PRDM16: variants seen among roughly 807,000 people sequenced by gnomAD.
PRDM16 encodes the protein PR/SET domain 16.
PRDM16 carries 23 observed loss-of-function variants against 110.6 expected under a neutral mutation model. The ratio of observed to expected loss-of-function variants is 0.21; its 90% confidence interval spans 0.15 to 0.29. The LOEUF (loss-of-function observed/expected upper bound fraction) is 0.29. PRDM16 is among the 10% of genes least tolerant of loss of function. PRDM16 has a pLI of 1.00. For synonymous variants in PRDM16, 799 were observed against 781.8 expected (o/e 1.02, Z -0.37); for missense variants, 1,615 against 1,794.3 (o/e 0.90, Z 1.81).
At chr1:3,262,577 C>T (rs1640185921) in intron 3 of PRDM16, among the ~76,000 whole-genome samples, 1 of 152,224 alleles carries the variant, frequency 6.6e-6, no homozygotes, top group South Asian at 2.1e-4. Flanking sequence ...CCACTCCTCT[C>T]CTCAAAACCA....
intron 3 of PRDM16, among the ~76,000 whole-genome samples, chr1:3,380,310 C>A (rs1253911488): frequency 3.3e-5 from 5 of 151,986 alleles, no homozygotes; most frequent in Non-Finnish European, 5.9e-5. Context: ...TCCTCAGTCA[C>A]CCCAGGGGGC....
Position 3,411,453 on chromosome 1 carries a change from G to A in PRDM16, c.1256G>A (p.Cys419Tyr), listed in dbSNP as rs746196584. The change falls in exon 9 of 17, where the codon TGC becomes TAC. Residue 419 changes from cysteine (C) to tyrosine (Y), a missense_variant. Physicochemically the swap from Cys to Tyr is radical, Grantham distance 194. Coordinates refer to ENST00000270722, the MANE Select transcript of PRDM16 (RefSeq NM_022114.4). The part of the protein sequence containing the change: ...LCRHKRMHAD[C>Y]RTQIKCKDCG... ...CGGCACAAGCGGATGCACGCCGACT[G>A]CCGCACGCAGATCAAGTGCAAGGAC... 1 of 1,614,194 alleles carries A rather than the reference G, an allele frequency of 6.2e-7. No homozygotes were observed. The highest frequency in any genetic ancestry group is 8.5e-7 in the Non-Finnish European group (1 of 1,180,034).
chr1:3,385,902 C>T (rs1385961171), intron 4 of PRDM16, among the ~76,000 whole-genome samples: 1 of 152,222 alleles, frequency 6.6e-6, no homozygotes, highest in Non-Finnish European at 1.5e-5. Context: ...TCCCTGGATC[C>T]TTGACCTCCA....
At chr1:3,421,370 G>A (rs1005448423) in intron 12 of PRDM16, among the ~76,000 whole-genome samples, 6 of 152,148 alleles carry the variant, frequency 3.9e-5, no homozygotes, top group African/African-American at 7.2e-5. Flanking sequence ...AAGGCCCTCC[G>A]CATTGCACCA....
At chr1:3,368,281 G>A (rs569489993) in intron 3 of PRDM16, among the ~76,000 whole-genome samples, 17 of 152,340 alleles carry the variant, frequency 1.1e-4, no homozygotes, top group Admixed American at 9.8e-4. Flanking sequence ...GCCGCAACAC[G>A]GGCCAGGCTC....
intron 1 of PRDM16, among the ~76,000 whole-genome samples, chr1:3,111,621 G>A (rs1642796656): frequency 6.6e-6 from 1 of 152,114 alleles, no homozygotes; most frequent in Non-Finnish European, 1.5e-5. Flanking sequence ...CCCAGCGCAC[G>A]GAAAGGAGGC....
chr1:3,281,466 G>A (rs1158075837), intron 3 of PRDM16, among the ~76,000 whole-genome samples: 3 of 152,240 alleles, frequency 2.0e-5, no homozygotes, highest in African/African-American at 7.2e-5. Context: ...AAGCAGCCTT[G>A]AAACTTATCA....
rs377194829 is a variant in PRDM16 at position 3,146,093 on chromosome 1, C to G, written c.38-40032C>G. On this transcript the variant is annotated intron_variant, in intron 1 of 16. Coordinates refer to ENST00000270722, the MANE Select transcript of PRDM16 (RefSeq NM_022114.4). Reference sequence around the variant, plus strand: ...CCGAGCAGGAAAACATTTAGACACACCCCCACACACAGCACACGTGGGCAT... The same window carrying G: ...CCGAGCAGGAAAACATTTAGACACAGCCCCACACACAGCACACGTGGGCAT... Among the ~76,000 whole-genome samples, 10 of 152,316 alleles carry G rather than the reference C, an allele frequency of 6.6e-5. 2 individuals are homozygous for G. Among genetic ancestry groups the G allele is most frequent in the East Asian group, 5.8e-4 (3 of 5,166 alleles).
chr1:3,413,696 C>G (rs72633335), intron 9 of PRDM16, among the ~76,000 whole-genome samples: 1 of 152,050 alleles, frequency 6.6e-6, no homozygotes, highest in Non-Finnish European at 1.5e-5. Context: ...TTTACCAAAG[C>G]GCTCTCAGTG....
intron 1 of PRDM16, among the ~76,000 whole-genome samples, chr1:3,087,525 T>G (rs1642178573): frequency 6.6e-6 from 1 of 152,170 alleles, no homozygotes. Flanking sequence ...AAGAGGAAAT[T>G]CACATTTTTC....
rs546744623 is a variant in PRDM16, at chr1:3,297,773, A to C, written c.438+53636A>C. ...CAGGGGACAGGGAGGGAGTCAGGGAAGGGCTGCCCGATGGCAGGAAGGGAC... is the reference window on the plus strand; with the variant it reads ...CAGGGGACAGGGAGGGAGTCAGGGACGGGCTGCCCGATGGCAGGAAGGGAC... On this transcript the variant is annotated intron_variant, in intron 3 of 16. Coordinates refer to ENST00000270722, the MANE Select transcript of PRDM16 (RefSeq NM_022114.4). Among the ~76,000 whole-genome samples, 4 of 152,284 alleles carry C rather than the reference A, an allele frequency of 2.6e-5. No homozygotes were observed. In the South Asian group the frequency reaches 8.3e-4, roughly 32 times the overall value.
intron 3 of PRDM16, among the ~76,000 whole-genome samples, chr1:3,256,403 TTAA>T (rs922012509): frequency 3.9e-5 from 6 of 152,140 alleles, no homozygotes; most frequent in Non-Finnish European, 7.4e-5. Flanking sequence ...GTGGACTTCG[TTAA>T]TAATAACGGG....
At position 3,358,097 on chromosome 1, in the gene PRDM16, TG is replaced by T. The variant is rs1393197587; in HGVS notation, c.439-27052del. ...GTGCCCAGTGGCCTGGCCTCACGCG[TG>T]GGTCCATCCCGGAACCACACAGTGG... On this transcript the variant is annotated intron_variant, in intron 3 of 16. Transcript: ENST00000270722. This position sits in a 1 kb window ranked among gnomAD's most constrained non-coding sequence, Gnocchi z 4.0. 4.6e-5 allele frequency among the ~76,000 whole-genome samples: 7 copies of T among 152,206 alleles called. No individual in the cohort carries two copies. Among genetic ancestry groups the T allele is most frequent in the African/African-American group, 1.7e-4 (7 of 41,462 alleles).
At chr1:3,375,776 T>G (rs1642980643) in intron 3 of PRDM16, among the ~76,000 whole-genome samples, 1 of 152,182 alleles carries the variant, frequency 6.6e-6, no homozygotes. Context: ...GAAACTCCTC[T>G]TTGCTTCCCT....
rs114911745 is a variant in PRDM16 at position 3,377,049 on chromosome 1, A to T, written c.439-8103A>T. Among the ~76,000 whole-genome samples, 967 of 152,362 alleles carry T rather than the reference A, an allele frequency of 6.3e-3. 6 individuals are homozygous for T. The highest frequency in any genetic ancestry group is 0.022 in the African/African-American group (925 of 41,592). ...CTTTCTGTTTCGGCTACTCGTGGAC[A>T]CCATCAATTGTGACCATTGTGTGTG... On this transcript the variant is annotated intron_variant, in intron 3 of 16. Coordinates refer to ENST00000270722, the MANE Select transcript of PRDM16 (RefSeq NM_022114.4).
rs761589245 is a variant in PRDM16 at position 3,426,235 on chromosome 1, C to CT, written c.3284+11dup. 1.2e-6 allele frequency: 2 copies of CT among 1,610,224 alleles called. No homozygotes were observed. The highest frequency in any genetic ancestry group is 1.7e-6 in the Non-Finnish European group (2 of 1,177,304). On this transcript the variant is annotated intron_variant, in intron 14 of 16. Transcript: ENST00000270722. ...CGCGAACAGAGAAACGGTAAGAAAA[C>CT]TATCGCGGGCTGGGGAAAGTCTGGA...
At chr1:3,221,707 A>G (rs145666042) in intron 2 of PRDM16, among the ~76,000 whole-genome samples, 46 of 152,344 alleles carry the variant, frequency 3.0e-4, no homozygotes, top group Non-Finnish European at 3.2e-4. Context: ...GGATGCCCCC[A>G]TGTACACGCA....
rs149487292 is a variant in PRDM16, at chr1:3,154,257, C to T, written c.38-31868C>T. On this transcript the variant is annotated intron_variant, in intron 1 of 16. Coordinates refer to ENST00000270722, the MANE Select transcript of PRDM16 (RefSeq NM_022114.4). ...AGTGGACGGACTGGCGCTGTCACCA[C>T]GGGCTGGCGCACTCTCCCTGGGCGG... Among the ~76,000 whole-genome samples the T allele has an allele frequency of 1.4e-3, 220 of 152,292 alleles. 5 individuals carry two copies. The East Asian group carries it at 0.029, about 20-fold the overall frequency.
chr1:3,187,396 C>T (rs1261947897), intron 2 of PRDM16, among the ~76,000 whole-genome samples: 1 of 152,188 alleles, frequency 6.6e-6, no homozygotes, highest in African/African-American at 2.4e-5. Context: ...TCCTCATGGG[C>T]AAATGGCCTG....
Sources: allele counts gnomAD v4.1 joint callset (sites outside exome capture counted in the v4.1 genomes callset), GRCh38; gene constraint gnomAD v4.1.1; non-coding constraint Gnocchi (gnomAD v3.1); transcripts MANE v1.5; gene names NCBI Gene and HGNC (gene_info 2026-07-23, HGNC 2026-07-21).